SLC25A2: variants seen among roughly 807,000 people sequenced by gnomAD.
SLC25A2 encodes mitochondrial ornithine transporter 2.
In SLC25A2, 6 loss-of-function variants were observed where a neutral mutation model predicts 7.4. The observed-to-expected ratio is 0.82, with a 90% CI of 0.45 to 1.61. The LOEUF (loss-of-function observed/expected upper bound fraction) is 1.61. Ranked by LOEUF, SLC25A2 falls within the 40% of genes most tolerant of loss-of-function variation. The probability of loss-of-function intolerance (pLI) is 0.01; values close to 1 mark genes in which losing one functional copy is unlikely to be tolerated. For synonymous variants in SLC25A2, 158 were observed against 153.4 expected, an observed-to-expected ratio of 1.03 and a Z score of -0.22; for missense variants, 356 against 377.3, an observed-to-expected ratio of 0.94 and a Z score of 0.47.
Position 141,303,900 on chromosome 5 carries a change from C to G in SLC25A2, c.-35G>C. ...CTCGTCTGAGGGTCCCAGTGGAAGG[C>G]GACTAACTCCCCAGAGCGTGAGACC... On this transcript the variant is annotated 5_prime_UTR_variant, in exon 1 of 1. Transcript: ENST00000239451. The G allele has an allele frequency of 5.0e-6, 8 of 1,593,128 alleles. No individual in the cohort carries two copies. Among genetic ancestry groups the G allele is most frequent in the Non-Finnish European group, 6.8e-6 (8 of 1,169,492 alleles).
At position 141,303,698 on chromosome 5, in the gene SLC25A2, A is replaced by G. The variant is rs11952797; in HGVS notation, c.168T>C (p.Ala56=). 0.41 allele frequency: 658,132 copies of G among 1,613,950 alleles called. 137,628 individuals are homozygous for G. The highest frequency in any genetic ancestry group is 0.66 in the African/African-American group (49,293 of 74,982). Residue 56 remains alanine, a synonymous_variant, in exon 1 of 1, where the codon GCT becomes GCC. Coordinates refer to ENST00000239451, the MANE Select transcript of SLC25A2 (RefSeq NM_031947.4). ...GLTDCFLKTY[A]QVGLRGFYKG... ...TGTAGAAGCCCCGGAGACCCACTTG[A>G]GCGTATGTCTTCAGGAAGCAGTCGG...
rs1755945516 is a variant in SLC25A2 at position 141,303,664 on chromosome 5, C to T, written c.202G>A (p.Gly68Ser). ...GCGACGTAGGCCATAAGTGCCGGGC[C>T]GGTGCCCTTGTAGAAGCCCCGGAGA... is the stretch of plus-strand genomic sequence containing the variant. ...VGLRGFYKGT[G>S]PALMAYVAEN... Residue 68 changes from glycine to serine, a missense_variant, in exon 1 of 1, where the codon GGC becomes AGC. Coordinates refer to ENST00000239451, the MANE Select transcript of SLC25A2 (RefSeq NM_031947.4). The T allele has an allele frequency of 1.2e-6, 2 of 1,614,242 alleles. No homozygotes were observed. The highest frequency in any genetic ancestry group is 1.7e-6 in the Non-Finnish European group (2 of 1,180,036).
rs782765892 is a variant in SLC25A2 at position 141,303,660 on chromosome 5, G to A, written c.206C>T (p.Pro69Leu). 5.9e-5 allele frequency: 96 copies of A among 1,614,110 alleles called. No individual in the cohort carries two copies. The Middle Eastern group carries it at 6.6e-4, about 11-fold the overall frequency. Residue 69 changes from proline (P) to leucine (L), a missense_variant, in exon 1 of 1, where the codon CCG becomes CTG. Physicochemically the swap from Pro to Leu is moderately conservative, Grantham distance 98. Coordinates refer to ENST00000239451, the MANE Select transcript of SLC25A2 (RefSeq NM_031947.4). ...TTCGGCGACGTAGGCCATAAGTGCCGGGCCGGTGCCCTTGTAGAAGCCCCG... is the reference window on the plus strand; with the variant it reads ...TTCGGCGACGTAGGCCATAAGTGCCAGGCCGGTGCCCTTGTAGAAGCCCCG... The part of the protein sequence containing the change: ...GLRGFYKGTG[P>L]ALMAYVAENS...
At position 141,303,234 on chromosome 5, in the gene SLC25A2, T is replaced by A; in HGVS notation, c.632A>T (p.His211Leu). 1 of 1,614,162 alleles carries A rather than the reference T, an allele frequency of 6.2e-7. No homozygotes were observed. The highest frequency in any genetic ancestry group is 8.5e-7 in the Non-Finnish European group (1 of 1,180,034). Residue 211 changes from histidine to leucine, a missense_variant, in exon 1 of 1, where the codon CAT (histidine) becomes CTT (leucine). Transcript: ENST00000239451. ...AGCAACTCCACCACTTAACATCAAA[T>A]GGACAGGGCCTAGTTCATCTTTTGA... ...GRSKDELGPV[H>L]LMLSGGVAGI...
In SLC25A2 at chr5:141,304,022, G is replaced by C. The variant is rs1057099953; in HGVS notation, c.-157C>G. On this transcript the variant is annotated 5_prime_UTR_variant, in exon 1 of 1. Transcript: ENST00000239451. ...TCTGGGCTCTCACCCCAGTGCGGGG[G>C]AAGCCGCTCAACCCTACGCTCCGCC... is the stretch of plus-strand genomic sequence containing the variant. The C allele has an allele frequency of 2.4e-6, 2 of 826,150 alleles. No homozygotes were observed. The highest frequency in any genetic ancestry group is 2.7e-5 in the East Asian group (1 of 37,362). The allele number at this position is 826,150 out of a possible 1,614,324, so 51.2% of individuals were successfully genotyped here.
At position 141,302,915 on chromosome 5, in the gene SLC25A2, T is replaced by C; in HGVS notation, c.*45A>G. The stretch of plus-strand genomic sequence containing the variant: ...CTCTGCTGAACCCTGTGATGAACTG[T>C]AGTCCTCAAACTCATGGACTCGGAT... On this transcript the variant is annotated 3_prime_UTR_variant, in exon 1 of 1. Transcript: ENST00000239451. The C allele has an allele frequency of 6.4e-7, 1 of 1,569,074 alleles. No homozygotes were observed. Among genetic ancestry groups the C allele is most frequent in the Non-Finnish European group, 8.6e-7 (1 of 1,157,372 alleles).
Position 141,303,666 on chromosome 5 carries a change from G to T in SLC25A2, c.200C>A (p.Thr67Asn), listed in dbSNP as rs1238349498. The T allele has an allele frequency of 1.9e-6, 3 of 1,614,254 alleles. No homozygotes were observed. The highest frequency in any genetic ancestry group is 1.7e-5 in the Admixed American group (1 of 60,038). Residue 67 changes from threonine (T) to asparagine (N), a missense_variant, in exon 1 of 1, where the codon ACC becomes AAC. Coordinates refer to ENST00000239451, the MANE Select transcript of SLC25A2 (RefSeq NM_031947.4). ...GACGTAGGCCATAAGTGCCGGGCCG[G>T]TGCCCTTGTAGAAGCCCCGGAGACC... is the stretch of plus-strand genomic sequence containing the variant. ...QVGLRGFYKG[T>N]GPALMAYVAE...
In SLC25A2 at chr5:141,303,828, A is replaced by T. The variant is rs781789862; in HGVS notation, c.38T>A (p.Leu13His). The change falls in exon 1 of 1, where the codon CTC (leucine) becomes CAC (histidine). Residue 13 changes from leucine to histidine, a missense_variant. Coordinates refer to ENST00000239451, the MANE Select transcript of SLC25A2 (RefSeq NM_031947.4). The part of the protein sequence containing the change: ...SGPGIQAAID[L>H]TAGAAGGTAC... ...TGTCCCCCCTGCGGCCCCCGCTGTG[A>T]GGTCGATGGCGGCTTGGATGCCAGG... 5.6e-6 allele frequency: 9 copies of T among 1,614,054 alleles called. No individual in the cohort carries two copies. The African/African-American group carries it at 1.1e-4, about 19-fold the overall frequency.
rs782792479 is a variant in SLC25A2, at chr5:141,302,862, G to C, written c.*98C>G. ...GGGAAGATAAAACCAAAATTCCCAT[G>C]AAGTCAAAATTAGACAGTGGTCTTG... On this transcript the variant is annotated 3_prime_UTR_variant, in exon 1 of 1. Transcript: ENST00000239451. 1 of 1,324,996 alleles carries C rather than the reference G, an allele frequency of 7.5e-7. No individual in the cohort carries two copies. The highest frequency in any genetic ancestry group is 2.4e-5 in the East Asian group (1 of 41,586). 82.1% of individuals were successfully genotyped at this position (1,324,996 alleles called of 1,614,324 possible).
chr5:141,303,022 C>T lies in SLC25A2; in HGVS notation c.844G>A (p.Ala282Thr), dbSNP rs782372880. The T allele has an allele frequency of 1.1e-5, 17 of 1,614,138 alleles. No homozygotes were observed. In the South Asian group the frequency reaches 1.9e-4, roughly 18 times the overall value. Residue 282 changes from alanine (A) to threonine (T), a missense_variant, in exon 1 of 1, where the codon GCA becomes ACA. By Grantham distance (58) the Ala-to-Thr change is moderately conservative. Transcript: ENST00000239451. ...TMIRAIPANGALFVAYEYSRK... is the reference protein window; with the variant it reads ...TMIRAIPANGTLFVAYEYSRK... ...CTGTATTCGTAGGCCACAAACAGTG[C>T]CCCATTGGCAGGGATTGCTCGAATC...
chr5:141,303,213 A>T lies in SLC25A2; in HGVS notation c.653T>A (p.Val218Asp). 1 of 1,614,040 alleles carries T rather than the reference A, an allele frequency of 6.2e-7. No homozygotes were observed. Among genetic ancestry groups the T allele is most frequent in the Non-Finnish European group, 8.5e-7 (1 of 1,180,002 alleles). ...GACAAGCCACAGGCAAATTCCAGCA[A>T]CTCCACCACTTAACATCAAATGGAC... ...GPVHLMLSGG[V>D]AGICLWLVVF... The change falls in exon 1 of 1, where the codon GTT becomes GAT. Residue 218 changes from valine (V) to aspartate (D), a missense_variant. Transcript: ENST00000239451.
At position 141,302,825 on chromosome 5, in the gene SLC25A2, A is replaced by G. The variant is rs1755926550; in HGVS notation, c.*135T>C. On this transcript the variant is annotated 3_prime_UTR_variant, in exon 1 of 1. Coordinates refer to ENST00000239451, the MANE Select transcript of SLC25A2 (RefSeq NM_031947.4). Reference sequence around the variant, plus strand: ...AGGCCCTTCCATAAAGTTAAGATTTAGGGTAGAAGAAGGGAAGATAAAACC... The same window carrying G: ...AGGCCCTTCCATAAAGTTAAGATTTGGGGTAGAAGAAGGGAAGATAAAACC... The G allele has an allele frequency of 6.6e-6, 5 of 758,774 alleles. No individual in the cohort carries two copies. In the South Asian group the frequency reaches 8.2e-5, roughly 12 times the overall value. The allele number at this position is 758,774 out of a possible 1,614,324, so 47.0% of individuals were successfully genotyped here. A position where few individuals can be genotyped will look rare whatever the true frequency, so the allele number is the denominator to read the frequency against.
In SLC25A2 at chr5:141,303,701, GTA is replaced by G; in HGVS notation, c.163_164del (p.Tyr55ArgfsTer51). ...KGLTDCFLKT[Y>X]AQVGLRGFYK... ...AGAAGCCCCGGAGACCCACTTGAGCGTATGTCTTCAGGAAGCAGTCGGTGAGG... is the reference window on the plus strand; with the variant it reads ...AGAAGCCCCGGAGACCCACTTGAGCGTGTCTTCAGGAAGCAGTCGGTGAGG... On this transcript the variant is annotated frameshift_variant, in exon 1 of 1. Coordinates refer to ENST00000239451, the MANE Select transcript of SLC25A2 (RefSeq NM_031947.4). LOFTEE classifies it high-confidence loss of function. The G allele has an allele frequency of 6.2e-7, 1 of 1,614,148 alleles. No individual in the cohort carries two copies.
chr5:141,303,808 C>T lies in SLC25A2; in HGVS notation c.58G>A (p.Gly20Arg). The T allele has an allele frequency of 6.2e-7, 1 of 1,614,224 alleles. No homozygotes were observed. Among genetic ancestry groups the T allele is most frequent in the Non-Finnish European group, 8.5e-7 (1 of 1,180,044 alleles). The change falls in exon 1 of 1, where the codon GGG becomes AGG. Residue 20 changes from glycine (G) to arginine (R), a missense_variant. Coordinates refer to ENST00000239451, the MANE Select transcript of SLC25A2 (RefSeq NM_031947.4). ...AIDLTAGAAG[G>R]TACVLTGQPF... The stretch of plus-strand genomic sequence containing the variant: ...TGCCCAGTCAGTACACACGCTGTCC[C>T]CCCTGCGGCCCCCGCTGTGAGGTCG...
rs1276131316 is a variant in SLC25A2 at position 141,303,325 on chromosome 5, C to G, written c.541G>C (p.Val181Leu). 6.2e-7 allele frequency: 1 copy of G among 1,614,080 alleles called. No homozygotes were observed. Reference sequence around the variant, plus strand: ...CCAAAGAAAAAGAAATAACCCGGTACTTCTTGAAGTAGAGTACTCGAGAGT... The same window carrying G: ...CCAAAGAAAAAGAAATAACCCGGTAGTTCTTGAAGTAGAGTACTCGAGAGT... The part of the protein sequence containing the change: ...HGLSSTLLQE[V>L]PGYFFFFGGY... Residue 181 changes from valine to leucine, a missense_variant, in exon 1 of 1, where the codon GTA (valine) becomes CTA (leucine). Transcript: ENST00000239451.
In SLC25A2 at chr5:141,303,580, C is replaced by T. The variant is rs150904237; in HGVS notation, c.286G>A (p.Ala96Thr). 1 of 1,614,218 alleles carries T rather than the reference C, an allele frequency of 6.2e-7. No individual in the cohort carries two copies. Among genetic ancestry groups the T allele is most frequent in the Non-Finnish European group, 8.5e-7 (1 of 1,180,044 alleles). ...AGCTTTGCCTGCTTGTCCATTCCAG[C>T]CACTTTCCTGACAAACTGCTGGCAG... The part of the protein sequence containing the change: ...GFCQQFVRKV[A>T]GMDKQAKLSD... Residue 96 changes from alanine (A) to threonine (T), a missense_variant, in exon 1 of 1, where the codon GCT becomes ACT. Physicochemically the swap from Ala to Thr is moderately conservative, Grantham distance 58. Coordinates refer to ENST00000239451, the MANE Select transcript of SLC25A2 (RefSeq NM_031947.4).
chr5:141,303,968 G>A lies in SLC25A2; in HGVS notation c.-103C>T. 2 of 1,339,220 alleles carry A rather than the reference G, an allele frequency of 1.5e-6. No individual in the cohort carries two copies. Among genetic ancestry groups the A allele is most frequent in the Admixed American group, 2.4e-5 (1 of 41,708 alleles). The allele number at this position is 1,339,220 out of a possible 1,614,324, so 83.0% of individuals were successfully genotyped here. A position where few individuals can be genotyped will look rare whatever the true frequency, so the allele number is the denominator to read the frequency against. ...CGCAGCGAGCGCGGGGAATGGAGTT[G>A]GGGGTGGTGGGGTGGCTCTACCGCC... is the stretch of plus-strand genomic sequence containing the variant. On this transcript the variant is annotated 5_prime_UTR_variant, in exon 1 of 1. Coordinates refer to ENST00000239451, the MANE Select transcript of SLC25A2 (RefSeq NM_031947.4).
In SLC25A2 at chr5:141,303,520, C is replaced by T. The variant is rs2149707470; in HGVS notation, c.346G>A (p.Ala116Thr). ...AGAGCCAGTGCAGCAAATGCAGAGG[C>T]GAAGGACCCCGCGGCTGCAGTCTGG... The part of the protein sequence containing the change: ...DLQTAAAGSF[A>T]SAFAALALCP... The change falls in exon 1 of 1, where the codon GCC (alanine) becomes ACC (threonine). Residue 116 changes from alanine (A) to threonine (T), a missense_variant. Ala to Thr is a moderately conservative substitution (Grantham distance 58). Coordinates refer to ENST00000239451, the MANE Select transcript of SLC25A2 (RefSeq NM_031947.4). 6.2e-7 allele frequency: 1 copy of T among 1,614,220 alleles called. No individual in the cohort carries two copies. Among genetic ancestry groups the T allele is most frequent in the Non-Finnish European group, 8.5e-7 (1 of 1,180,044 alleles).
Position 141,303,578 on chromosome 5 carries a change from A to G in SLC25A2, c.288T>C (p.Ala96=). Residue 96 remains alanine, a synonymous_variant, in exon 1 of 1, where the codon GCT becomes GCC. Coordinates refer to ENST00000239451, the MANE Select transcript of SLC25A2 (RefSeq NM_031947.4). ...GFCQQFVRKV[A]GMDKQAKLSD... ...TCAGCTTTGCCTGCTTGTCCATTCC[A>G]GCCACTTTCCTGACAAACTGCTGGC... The G allele has an allele frequency of 4.3e-6, 7 of 1,614,198 alleles. No homozygotes were observed. The highest frequency in any genetic ancestry group is 5.9e-6 in the Non-Finnish European group (7 of 1,180,034).
Sources: gnomAD v4.1 joint callset for allele counts on GRCh38, gnomAD v4.1.1 for gene constraint, MANE v1.5 for transcripts, NCBI Gene and HGNC (gene_info 2026-07-23, HGNC 2026-07-21) for gene names.